Variants in EDNRB observed in about 807,000 individuals in gnomAD.
EDNRB encodes Hirschsprung disease 2.
Under a neutral mutation model 46.4 loss-of-function variants are expected in EDNRB, and 18 were observed. That is an observed-to-expected ratio of 0.39 (90% CI 0.27 to 0.57). The LOEUF (loss-of-function observed/expected upper bound fraction) is 0.57, where lower values mean the gene tolerates loss of function less well. Among genes scored for constraint, EDNRB ranks in the 20% least tolerant of loss-of-function variants. The pLI, the probability that EDNRB is intolerant of heterozygous loss-of-function variation, is 0.61. For missense variants in EDNRB, 434 were observed against 537.5 expected (o/e 0.81, Z 1.90); for synonymous variants, 213 against 204.9 (o/e 1.04, Z -0.34).
intron 1 of EDNRB, among the ~76,000 whole-genome samples, chr13:77,927,879 T>A (rs532954601): frequency 6.6e-6 from 1 of 152,298 alleles, no homozygotes; most frequent in Non-Finnish European, 1.5e-5. Context: ...GGTAATTGAA[T>A]CATGGGGGTG....
At chr13:77,968,908 C>A (rs895842562) in intron 1 of EDNRB, among the ~76,000 whole-genome samples, 1 of 152,108 alleles carries the variant, frequency 6.6e-6, no homozygotes, top group African/African-American at 2.4e-5. Flanking sequence ...TGAAGTTGGA[C>A]AAATATTCAG....
intron 1 of EDNRB, among the ~76,000 whole-genome samples, chr13:77,950,116 C>T (rs1171117322): frequency 6.6e-6 from 1 of 152,184 alleles, no homozygotes; most frequent in Non-Finnish European, 1.5e-5. Flanking sequence ...GACAATAAAA[C>T]ATGCAGATCC....
chr13:77,913,906 A>C (rs1487003212), intron 1 of EDNRB, among the ~76,000 whole-genome samples: 4 of 152,214 alleles, frequency 2.6e-5, no homozygotes, highest in Non-Finnish European at 5.9e-5. Context: ...GGGCAAAATA[A>C]GTAGCTTGTG....
intron 1 of EDNRB, among the ~76,000 whole-genome samples, chr13:77,949,647 G>A (rs1881032723): frequency 6.6e-6 from 1 of 152,110 alleles, no homozygotes; most frequent in Non-Finnish European, 1.5e-5. Context: ...AAGAAAAAAA[G>A]CTACTGAAAT....
chr13:77,919,546 A>T, upstream of EDNRB: 1 of 1,612,718 alleles, frequency 6.2e-7, no homozygotes, highest in Non-Finnish European at 8.5e-7. Context: ...CGCTGCGAGA[A>T]TGCCAGACAG....
chr13:77,967,267 A>G (rs1003628202), intron 1 of EDNRB, among the ~76,000 whole-genome samples: 1 of 152,080 alleles, frequency 6.6e-6, no homozygotes, highest in Non-Finnish European at 1.5e-5. Context: ...GTCTTCTTTA[A>G]TCTCTTCTAT....
At chr13:77,964,619 G>A (rs546187944) in intron 1 of EDNRB, among the ~76,000 whole-genome samples, 2 of 152,128 alleles carry the variant, frequency 1.3e-5, no homozygotes, top group African/African-American at 2.4e-5. Flanking sequence ...CACACACCGG[G>A]GCCTGTCATG....
chr13:77,930,761 A>G (rs577793101), intron 1 of EDNRB, among the ~76,000 whole-genome samples: 1 of 152,168 alleles, frequency 6.6e-6, no homozygotes, highest in Non-Finnish European at 1.5e-5. Flanking sequence ...CCAAAATAGA[A>G]CTTCTGGCAA....
Position 77,913,985 on chromosome 13 carries a change from C to T in EDNRB, c.483+4106G>A, listed in dbSNP as rs3027132. Among the ~76,000 whole-genome samples the T allele has an allele frequency of 4.1e-3, 618 of 152,222 alleles. 16 individuals are homozygous for T. Among genetic ancestry groups the T allele is most frequent in the Admixed American group, 0.037 (570 of 15,274 alleles). ...CTTTTGGTTCTGATGTATATGTAGA[C>T]TATGTAAATATTAAGCATGGTGGCC... On this transcript the variant is annotated intron_variant, in intron 1 of 6. Coordinates refer to ENST00000646607, the MANE Select transcript of EDNRB (RefSeq NM_001122659.3).
Position 77,918,802 on chromosome 13 carries a change from C to T in EDNRB, c.-229G>A. 3 of 1,317,064 alleles carry T rather than the reference C, an allele frequency of 2.3e-6. No individual in the cohort carries two copies. The highest frequency in any genetic ancestry group is 2.9e-6 in the Non-Finnish European group (3 of 1,038,520). The allele number at this position is 1,317,064 out of a possible 1,614,324, so 81.6% of individuals were successfully genotyped here. A position where few individuals can be genotyped will look rare whatever the true frequency, so the allele number is the denominator to read the frequency against. Reference sequence around the variant, plus strand: ...GACTCGCCAGCGCGGGTCGAAACTCCTTCCTGATGCCCTCTCAGCTGTTTT... The same window carrying T: ...GACTCGCCAGCGCGGGTCGAAACTCTTTCCTGATGCCCTCTCAGCTGTTTT... On this transcript the variant is annotated 5_prime_UTR_variant, in exon 1 of 7. Transcript: ENST00000646607. This position sits in a 1 kb window ranked among gnomAD's most constrained non-coding sequence, Gnocchi z 4.5.
At chr13:77,899,750 A>C in intron 6 of EDNRB, 109 bp downstream of exon 6, 1 of 806,668 alleles carries the variant, frequency 1.2e-6, no homozygotes, top group Non-Finnish European at 2.0e-6. Context: ...ATAAAAGGGA[A>C]ACTATAAGAT....
chr13:77,932,270 A>G (rs1428556945), intron 1 of EDNRB, among the ~76,000 whole-genome samples: 1 of 152,160 alleles, frequency 6.6e-6, no homozygotes, highest in Non-Finnish European at 1.5e-5. Context: ...GTCTTTTTCA[A>G]TCTTTTCAGT....
intron 1 of EDNRB, among the ~76,000 whole-genome samples, chr13:77,970,435 T>C (rs1227154666): frequency 1.3e-5 from 2 of 152,118 alleles, no homozygotes; most frequent in African/African-American, 4.8e-5. Flanking sequence ...GCTCTCTGAG[T>C]GAGCAATTCC....
At chr13:77,952,009 G>A (rs970684645) in intron 1 of EDNRB, among the ~76,000 whole-genome samples, 1 of 152,106 alleles carries the variant, frequency 6.6e-6, no homozygotes, top group African/African-American at 2.4e-5. Context: ...ATTAGCCTTT[G>A]GGTCGGGGGT....
intron 1 of EDNRB, among the ~76,000 whole-genome samples, chr13:77,938,440 T>G (rs1337158713): frequency 2.6e-5 from 4 of 151,192 alleles, no homozygotes; most frequent in Non-Finnish European, 4.4e-5. Flanking sequence ...GGGGGGTTCT[T>G]GTCCCCTAGA....
intron 1 of EDNRB, among the ~76,000 whole-genome samples, chr13:77,956,988 G>C (rs894969578): frequency 1.3e-5 from 2 of 152,172 alleles, no homozygotes; most frequent in East Asian, 1.9e-4. Context: ...TAGGGACTGA[G>C]GACTAGGACA....
At chr13:77,925,034 A>G (rs1566321142) in intron 1 of EDNRB, among the ~76,000 whole-genome samples, 1 of 152,196 alleles carries the variant, frequency 6.6e-6, no homozygotes, top group Non-Finnish European at 1.5e-5. Flanking sequence ...ACGGACTAAC[A>G]CAAAGAACAA....
intron 1 of EDNRB, among the ~76,000 whole-genome samples, chr13:77,935,918 A>G (rs145677776): frequency 0.015 from 2,209 of 152,318 alleles, 46 homozygotes; most frequent in East Asian, 0.024. Flanking sequence ...TTGATAAGGC[A>G]CAGATCCTGA....
chr13:77,909,338 C>T (rs1879453407), intron 1 of EDNRB, among the ~76,000 whole-genome samples: 3 of 151,934 alleles, frequency 2.0e-5, no homozygotes. Context: ...ATATTCTTTA[C>T]TTATTTGAGG....
Sources: gnomAD v4.1 joint callset for allele counts (sites outside exome capture counted in the v4.1 genomes callset) on GRCh38, gnomAD v4.1.1 for gene constraint, Gnocchi (gnomAD v3.1) non-coding constraint, MANE v1.5 for transcripts, NCBI Gene and HGNC (gene_info 2026-07-23, HGNC 2026-07-21) for gene names.